Variants in ADCY8 observed in about 807,000 individuals in gnomAD.
ADCY8 encodes the protein adenylate cyclase 8, also known as adenylate cyclase type 8.
ADCY8 carries 51 observed loss-of-function variants against 119.7 expected under a neutral mutation model. The ratio of observed to expected loss-of-function variants is 0.43; its 90% CI spans 0.34 to 0.54. The LOEUF (loss-of-function observed/expected upper bound fraction) is 0.54. Among genes scored for constraint, ADCY8 ranks in the 20% least tolerant of loss-of-function variants. The pLI is 0.03. For missense variants in ADCY8, 1,383 were observed against 1,598.8 expected, an observed-to-expected ratio of 0.87 and a Z score of 2.30; for synonymous variants, 665 against 651.0, an observed-to-expected ratio of 1.02 and a Z score of -0.33.
intron 2 of ADCY8, among the ~76,000 whole-genome samples, chr8:130,967,476 C>G (rs777116323): frequency 1.3e-5 from 2 of 152,194 alleles, no homozygotes; most frequent in Admixed American, 6.5e-5. Flanking sequence ...AGAACAATAC[C>G]TGTCTCCCAG....
At chr8:130,923,899 T>G (rs1360425221) in intron 5 of ADCY8, among the ~76,000 whole-genome samples, 1 of 152,234 alleles carries the variant, frequency 6.6e-6, no homozygotes, top group Non-Finnish European at 1.5e-5. Flanking sequence ...GAGGCTGTTT[T>G]GATTAGGGCT....
At chr8:130,859,761 A>C (rs546535864) in intron 9 of ADCY8, among the ~76,000 whole-genome samples, 1 of 152,344 alleles carries the variant, frequency 6.6e-6, no homozygotes, top group South Asian at 2.1e-4. Context: ...TACTGAATGC[A>C]CTACCCTAAA....
At chr8:130,953,594 T>C (rs1308972611) in intron 2 of ADCY8, among the ~76,000 whole-genome samples, 1 of 152,226 alleles carries the variant, frequency 6.6e-6, no homozygotes, top group African/African-American at 2.4e-5. Flanking sequence ...TGAAGAAGTT[T>C]AGATTCCAAC....
chr8:130,991,416 G>A lies in ADCY8; in HGVS notation c.961-874C>T, dbSNP rs147930421. Among the ~76,000 whole-genome samples the A allele has an allele frequency of 1.2e-3, 186 of 152,190 alleles. 2 individuals carry two copies. The highest frequency in any genetic ancestry group is 6.8e-3 in the Middle Eastern group (2 of 294). On this transcript the variant is annotated intron_variant, in intron 1 of 17. Coordinates refer to ENST00000286355, the MANE Select transcript of ADCY8 (RefSeq NM_001115.3). ...GAGAATTCCAAAAAGAAAAGAACCC[G>A]GTGAAAGAAAACCTAAAATTGTTTT...
At chr8:130,795,391 C>T (rs1263640285) in intron 15 of ADCY8, among the ~76,000 whole-genome samples, 1 of 152,196 alleles carries the variant, frequency 6.6e-6, no homozygotes. Flanking sequence ...AGAGCAATAG[C>T]AGAACATTAA....
intron 12 of ADCY8, among the ~76,000 whole-genome samples, chr8:130,824,663 G>A (rs941729684): frequency 2.0e-5 from 3 of 152,202 alleles, no homozygotes; most frequent in Non-Finnish European, 4.4e-5. Context: ...TCTACACGTG[G>A]ATTATTTCCT....
intron 17 of ADCY8, among the ~76,000 whole-genome samples, chr8:130,781,923 G>A (rs1292562289): frequency 6.6e-6 from 1 of 152,070 alleles, no homozygotes; most frequent in East Asian, 1.9e-4. Flanking sequence ...TTGGGGATGT[G>A]GTGGGAAAGG....
chr8:131,039,897 C>T lies in ADCY8; in HGVS notation c.437G>A (p.Gly146Asp). 1.2e-6 allele frequency: 2 copies of T among 1,613,488 alleles called. No homozygotes were observed. The highest frequency in any genetic ancestry group is 8.5e-7 in the Non-Finnish European group (1 of 1,179,698). ...GAAAATGACCCCTCGGTAGCTATAGCCCCCATTAAGAAAGAAATCCGAGTT... is the reference window on the plus strand; with the variant it reads ...GAAAATGACCCCTCGGTAGCTATAGTCCCCATTAAGAAAGAAATCCGAGTT... The part of the protein sequence containing the change: ...PSNSDFFLNG[G>D]YSYRGVIFPT... Residue 146 changes from glycine (G) to aspartate (D), a missense_variant, in exon 1 of 18, where the codon GGC becomes GAC. Physicochemically the swap from Gly to Asp is moderately conservative, Grantham distance 94. Coordinates refer to ENST00000286355, the MANE Select transcript of ADCY8 (RefSeq NM_001115.3).
At chr8:130,807,924 C>T (rs1354680305) in intron 14 of ADCY8, among the ~76,000 whole-genome samples, 1 of 118,338 alleles carries the variant, frequency 8.5e-6, no homozygotes, top group Non-Finnish European at 1.7e-5. Context: ...GCGGAGCTTG[C>T]AGTGAGCCGA....
chr8:130,977,488 A>C (rs967627950), intron 2 of ADCY8, among the ~76,000 whole-genome samples: 2 of 152,182 alleles, frequency 1.3e-5, no homozygotes, highest in Non-Finnish European at 2.9e-5. Context: ...AAATCAATTC[A>C]GTCTCTGGTA....
intron 7 of ADCY8, among the ~76,000 whole-genome samples, chr8:130,895,470 T>C (rs576266402): frequency 9.2e-5 from 14 of 152,248 alleles, no homozygotes; most frequent in Middle Eastern, 3.4e-3. Flanking sequence ...AAAGGAAGGA[T>C]GATGAGTCAA....
intron 2 of ADCY8, among the ~76,000 whole-genome samples, chr8:130,978,141 G>A (rs921709859): frequency 5.9e-5 from 9 of 152,090 alleles, no homozygotes; most frequent in Non-Finnish European, 1.2e-4. Flanking sequence ...TACCATAGAA[G>A]TCAGCACAAG....
chr8:130,837,439 C>T (rs893974376), intron 11 of ADCY8, among the ~76,000 whole-genome samples: 1 of 152,192 alleles, frequency 6.6e-6, no homozygotes, highest in African/African-American at 2.4e-5. Flanking sequence ...AAGACTTCCT[C>T]AATATCTCCA....
Position 131,040,078 on chromosome 8 carries a change from C to A in ADCY8, c.256G>T (p.Asp86Tyr), listed in dbSNP as rs778700013. The A allele has an allele frequency of 2.0e-6, 3 of 1,534,836 alleles. No individual in the cohort carries two copies. The highest frequency in any genetic ancestry group is 2.4e-5 in the East Asian group (1 of 41,178). ...PNHHAPQLSG[D>Y]SALPLYSLGP... is the part of the protein sequence containing the mutation. ...AGCGAGTAGAGGGGCAGCGCCGAGT[C>A]GCCTGACAGCTGCGGCGCGTGGTGG... The change falls in exon 1 of 18, where the codon GAC becomes TAC. Residue 86 changes from aspartate (D) to tyrosine (Y), a missense_variant. Transcript: ENST00000286355.
chr8:130,968,326 T>C (rs536813793), intron 2 of ADCY8, among the ~76,000 whole-genome samples: 18 of 152,080 alleles, frequency 1.2e-4, no homozygotes, highest in Non-Finnish European at 7.4e-5. Flanking sequence ...CCCACCACCA[T>C]GCCTGGCTAA....
intron 12 of ADCY8, among the ~76,000 whole-genome samples, chr8:130,827,375 G>T (rs1286602757): frequency 6.6e-6 from 1 of 152,134 alleles, no homozygotes; most frequent in Admixed American, 6.5e-5. Context: ...AGACAAGATG[G>T]CACTGGTCAA....
chr8:130,814,438 C>A (rs1816274488), intron 13 of ADCY8, among the ~76,000 whole-genome samples: 1 of 152,222 alleles, frequency 6.6e-6, no homozygotes, highest in Non-Finnish European at 1.5e-5. Context: ...CCTTTCACAG[C>A]ATTATTGCCC....
chr8:130,895,503 C>T (rs985335471), intron 7 of ADCY8, among the ~76,000 whole-genome samples: 5 of 152,178 alleles, frequency 3.3e-5, no homozygotes, highest in African/African-American at 9.7e-5. Context: ...CAATTGCCTA[C>T]TTAATCCATT....
intron 11 of ADCY8, among the ~76,000 whole-genome samples, chr8:130,841,598 C>T (rs1817144816): frequency 2.0e-5 from 3 of 152,172 alleles, no homozygotes; most frequent in Admixed American, 2.0e-4. Context: ...GCAATATATG[C>T]ACAATTTACT....
Sources: gnomAD v4.1 joint callset for allele counts (sites outside exome capture counted in the v4.1 genomes callset) on GRCh38, gnomAD v4.1.1 for gene constraint, MANE v1.5 for transcripts, NCBI Gene and HGNC (gene_info 2026-07-23, HGNC 2026-07-21) for gene names.